ANKRD30A: variants seen among roughly 807,000 people sequenced by gnomAD.
ANKRD30A encodes the protein ankyrin repeat domain 30A.
Under a neutral mutation model 166.3 loss-of-function variants are expected in ANKRD30A, and 170 were observed. The ratio of observed to expected loss-of-function variants is 1.02; its 90% CI spans 0.90 to 1.16. The LOEUF is 1.16. Among genes scored for constraint, ANKRD30A ranks in the 50% most tolerant of loss-of-function variants. The pLI is 0.00. For synonymous variants in ANKRD30A, 564 were observed against 508.9 expected, an observed-to-expected ratio of 1.11 and a Z score of -1.46; for missense variants, 1,630 against 1,518.0, an observed-to-expected ratio of 1.07 and a Z score of -1.23.
At chr10:37,147,073 G>A (rs77551789) in intron 8 of ANKRD30A, among the ~76,000 whole-genome samples, 800 of 47,824 alleles carry the variant, frequency 0.017, no homozygotes, top group South Asian at 0.032. Flanking sequence ...GATAAAGTAA[G>A]ATATTTTTAA....
At chr10:37,243,165 C>T in the ANKRD30A span, among the ~76,000 whole-genome samples, 4 of 143,378 alleles carry the variant, frequency 2.8e-5, no homozygotes, top group African/African-American at 7.8e-5. Context: ...GACGGAGTCT[C>T]GCTCTGTCGC....
At position 37,150,203 on chromosome 10, in the gene ANKRD30A, G is replaced by A. The variant is rs1837821601; in HGVS notation, c.1645+354G>A. On this transcript the variant is annotated intron_variant, in intron 11 of 35. Coordinates refer to ENST00000361713, the MANE Select transcript of ANKRD30A (RefSeq NM_052997.3). The stretch of plus-strand genomic sequence containing the variant: ...TTCAAATTCCACTGTTTACTTCGGG[G>A]ATCACGTCTTTTACTGATATAACAC... 3.9e-5 allele frequency among the ~76,000 whole-genome samples: 6 copies of A among 152,084 alleles called. No individual in the cohort carries two copies. The South Asian group carries it at 1.2e-3, about 32-fold the overall frequency.
intron 5 of ANKRD30A, among the ~76,000 whole-genome samples, chr10:37,135,007 G>T (rs1836594472): frequency 6.6e-6 from 1 of 152,138 alleles, no homozygotes; most frequent in Non-Finnish European, 1.5e-5. Context: ...TTCCAAATTT[G>T]TAGTGGGTTC....
In ANKRD30A at chr10:37,162,805, A is replaced by C. The variant is rs371840697; in HGVS notation, c.1959A>C (p.Pro653=). ...EPATEMQKSV[P]NKALELKNEQ... is the part of the protein sequence containing the mutation. ...CCACTGAAATGCAAAAGTCTGTCCC[A>C]AATAAAGCCTTGGAATTGAAAAATG... Residue 653 remains proline, a synonymous_variant, in exon 17 of 36, where the codon CCA becomes CCC. Coordinates refer to ENST00000361713, the MANE Select transcript of ANKRD30A (RefSeq NM_052997.3). 7.9e-5 allele frequency: 127 copies of C among 1,613,654 alleles called. No homozygotes were observed. Among genetic ancestry groups the C allele is most frequent in the Non-Finnish European group, 1.1e-4 (127 of 1,179,800 alleles).
downstream of ANKRD30A, among the ~76,000 whole-genome samples, chr10:37,234,049 A>C (rs1304301689): frequency 2.0e-5 from 3 of 152,156 alleles, no homozygotes; most frequent in Non-Finnish European, 4.4e-5. Flanking sequence ...AAAGAAACTG[A>C]TTATAATACA....
In ANKRD30A at chr10:37,167,035, T is replaced by C. The variant is rs568164701; in HGVS notation, c.2155+340T>C. ...TGAAGGAACAAGAAGCAGGTTTATG[T>C]AATGGAGGATGATAAAATGAAATGA... On this transcript the variant is annotated intron_variant, in intron 19 of 35. Transcript: ENST00000361713. 5.9e-5 allele frequency among the ~76,000 whole-genome samples: 9 copies of C among 152,144 alleles called. No individual in the cohort carries two copies. The South Asian group carries it at 1.9e-3, about 32-fold the overall frequency.
At chr10:37,193,366 G>C (rs1225329417) in intron 27 of ANKRD30A, 108 bp downstream of exon 27, 3 of 1,311,228 alleles carry the variant, frequency 2.3e-6, no homozygotes, top group African/African-American at 3.0e-5. Context: ...AATTTGATGG[G>C]AAATTTCGAT....
chr10:37,217,299 A>C (rs2132736818), intron 32 of ANKRD30A, among the ~76,000 whole-genome samples: 1 of 151,118 alleles, frequency 6.6e-6, no homozygotes, highest in African/African-American at 2.4e-5. Flanking sequence ...TTGTTCATAA[A>C]AAGTAATCAG....
chr10:37,142,484 C>T (rs960576519), intron 7 of ANKRD30A, among the ~76,000 whole-genome samples, 194 bp downstream of exon 7: 6 of 150,540 alleles, frequency 4.0e-5, no homozygotes, highest in East Asian at 3.9e-4. Context: ...TTCTTCTGGC[C>T]GTAAATGCTA....
At chr10:37,201,203 T>C in intron 30 of ANKRD30A, 32 bp from the exon 31 acceptor site, 1 of 1,431,522 alleles carries the variant, frequency 7.0e-7, no homozygotes. Context: ...GATTTTTCCA[T>C]TGAAATTATT....
the ANKRD30A span, among the ~76,000 whole-genome samples, chr10:37,256,588 A>G: frequency 1.3e-5 from 2 of 152,238 alleles, no homozygotes; most frequent in Non-Finnish European, 2.9e-5. Context: ...GTAAACATTT[A>G]TTGAGTACAT....
chr10:37,222,125 C>A (rs983013735), intron 34 of ANKRD30A, among the ~76,000 whole-genome samples: 1 of 151,270 alleles, frequency 6.6e-6, no homozygotes, highest in Non-Finnish European at 1.5e-5. Context: ...ATAGTTCACA[C>A]ATTTAAATTG....
chr10:37,161,343 G>A (rs922145987), intron 15 of ANKRD30A, among the ~76,000 whole-genome samples: 6 of 152,136 alleles, frequency 3.9e-5, no homozygotes, highest in African/African-American at 1.4e-4. Context: ...AGAAATTATA[G>A]ATTTAAGATA....
chr10:37,196,186 G>C (rs1011889220), intron 27 of ANKRD30A, among the ~76,000 whole-genome samples: 2 of 148,456 alleles, frequency 1.3e-5, no homozygotes, highest in Admixed American at 1.4e-4. Context: ...TGGAGACTCT[G>C]AGCAAAACAG....
chr10:37,219,367 C>A lies in ANKRD30A; in HGVS notation c.3655C>A (p.Gln1219Lys). ...TCAAATTGTGACATCAAGAAAAAGT[C>A]AAGAACCTGCTTTCCACATTGCAGG... ...HDQIVTSRKS[Q>K]EPAFHIAGDA... The change falls in exon 34 of 36, where the codon CAA becomes AAA. Residue 1219 changes from glutamine to lysine, a missense_variant. Physicochemically the swap from Gln to Lys is moderately conservative, Grantham distance 53. Coordinates refer to ENST00000361713, the MANE Select transcript of ANKRD30A (RefSeq NM_052997.3). The A allele has an allele frequency of 1.2e-6, 2 of 1,610,432 alleles. No homozygotes were observed. Among genetic ancestry groups the A allele is most frequent in the Non-Finnish European group, 1.7e-6 (2 of 1,177,684 alleles).
At chr10:37,201,097 T>C in intron 30 of ANKRD30A, 138 bp from the exon 31 acceptor site, 1 of 543,362 alleles carries the variant, frequency 1.8e-6, no homozygotes, top group East Asian at 4.9e-5. Flanking sequence ...TGTTTTTTTT[T>C]ATACGTGTCT....
the ANKRD30A span, among the ~76,000 whole-genome samples, chr10:37,257,850 C>T: frequency 4.6e-5 from 7 of 152,246 alleles, no homozygotes; most frequent in African/African-American, 1.2e-4. Flanking sequence ...TCATTCTCAG[C>T]GGACTAACAC....
At chr10:37,203,614 T>C (rs529149498) in intron 31 of ANKRD30A, among the ~76,000 whole-genome samples, 70 of 152,158 alleles carry the variant, frequency 4.6e-4, no homozygotes, top group Non-Finnish European at 8.5e-4. Flanking sequence ...CTATTCAACA[T>C]AGTGTTGGAA....
intron 34 of ANKRD30A, among the ~76,000 whole-genome samples, chr10:37,225,107 T>G (rs1447579030): frequency 6.6e-6 from 1 of 150,814 alleles, no homozygotes; most frequent in Admixed American, 6.6e-5. Flanking sequence ...CATGATTACT[T>G]CTCCCCCAAT....
Sources: gnomAD v4.1 joint callset for allele counts (sites outside exome capture counted in the v4.1 genomes callset) on GRCh38, gnomAD v4.1.1 for gene constraint, MANE v1.5 for transcripts, NCBI Gene and HGNC (gene_info 2026-07-23, HGNC 2026-07-21) for gene names.